DHX9: variants seen among roughly 807,000 people sequenced by gnomAD.
DHX9 encodes the protein ATP-dependent RNA helicase A.
In DHX9, 27 loss-of-function variants were observed where a neutral mutation model predicts 148.7. That is an observed-to-expected ratio of 0.18 (90% CI 0.13 to 0.25). The LOEUF (loss-of-function observed/expected upper bound fraction) is 0.25, where lower values mean the gene tolerates loss of function less well. Ranked by LOEUF, DHX9 falls within the 10% of genes least tolerant of loss-of-function variation. The probability of loss-of-function intolerance (pLI) is 1.00; values close to 1 mark genes in which losing one functional copy is unlikely to be tolerated. For synonymous variants in DHX9, 529 were observed against 516.6 expected, an observed-to-expected ratio of 1.02 and a Z score of -0.33; for missense variants, 796 against 1,559.6, an observed-to-expected ratio of 0.51 and a Z score of 8.25.
At chr1:182,848,497 G>A (rs922365064) in intron 3 of DHX9, among the ~76,000 whole-genome samples, 1 of 152,114 alleles carries the variant, frequency 6.6e-6, no homozygotes, top group Non-Finnish European at 1.5e-5. Flanking sequence ...GTGAGGGCAG[G>A]GATTTTTTTG....
chr1:182,878,840 G>A (rs1648945912), intron 20 of DHX9, among the ~76,000 whole-genome samples: 1 of 152,188 alleles, frequency 6.6e-6, no homozygotes, highest in Non-Finnish European at 1.5e-5. Context: ...CTTTCTAGTG[G>A]CACTAAAATT....
In DHX9 at chr1:182,839,389, C is replaced by T. The variant is rs1439858989; in HGVS notation, c.-90C>T. On this transcript the variant is annotated 5_prime_UTR_variant, in exon 1 of 28. Coordinates refer to ENST00000367549, the MANE Select transcript of DHX9 (RefSeq NM_001357.5). ...TCCATGCGAGTTGCTGTGCGTTTCT[C>T]TGTTGTCTCGGTAGAAGGCCAGAGT... 6.6e-6 allele frequency: 1 copy of T among 152,372 alleles called. No homozygotes were observed. The highest frequency in any genetic ancestry group is 1.5e-5 in the Non-Finnish European group (1 of 68,142). The allele number at this position is 152,372 out of a possible 1,614,324, so 9.4% of individuals were successfully genotyped here.
At chr1:182,868,375 A>G (rs537998138) in intron 14 of DHX9, among the ~76,000 whole-genome samples, 70 of 152,310 alleles carry the variant, frequency 4.6e-4, no homozygotes, top group African/African-American at 1.6e-3. Context: ...CCAAATTTCA[A>G]GCATAACAGT....
chr1:182,853,267 A>C (rs1668189556), intron 4 of DHX9, 39 bp from the exon 5 acceptor site: 1 of 1,392,874 alleles, frequency 7.2e-7, no homozygotes, highest in African/African-American at 1.4e-5. Context: ...ATTTTTCTAC[A>C]GTTATGACTC....
At position 182,883,914 on chromosome 1, in the gene DHX9, G is replaced by C. The variant is rs115966986; in HGVS notation, c.3260+279G>C. ...ATTCAAAACTAGTGGTAAGCACTGG[G>C]CAAAAATGGAATAGAGCTTAATGGA... is the stretch of plus-strand genomic sequence containing the variant. On this transcript the variant is annotated intron_variant, in intron 26 of 27. Coordinates refer to ENST00000367549, the MANE Select transcript of DHX9 (RefSeq NM_001357.5). 2.8e-3 allele frequency among the ~76,000 whole-genome samples: 420 copies of C among 152,180 alleles called. 2 individuals are homozygous for C. The highest frequency in any genetic ancestry group is 9.6e-3 in the African/African-American group (399 of 41,506).
Position 182,887,404 on chromosome 1 carries a change from T to C in DHX9, c.3783T>C (p.Phe1261=), listed in dbSNP as rs1649382464. 2.5e-6 allele frequency: 4 copies of C among 1,613,714 alleles called. No homozygotes were observed. The South Asian group carries it at 4.4e-5, about 18-fold the overall frequency. Residue 1261 remains phenylalanine (F), a synonymous_variant, in exon 28 of 28, where the codon TTT becomes TTC. Transcript: ENST00000367549. ...GGRGAYGTGY[F]GQGRGGGGY ...GGGGGGCCTATGGAACTGGCTACTT[T>C]GGACAGGGAAGAGGAGGTGGCGGCT...
chr1:182,845,006 A>G (rs1182272027), intron 3 of DHX9, among the ~76,000 whole-genome samples: 2 of 152,154 alleles, frequency 1.3e-5, no homozygotes, highest in African/African-American at 2.4e-5. Context: ...GAATTTTTGT[A>G]TTCTGCCTTG....
chr1:182,849,812 A>C (rs868435619), intron 3 of DHX9, among the ~76,000 whole-genome samples: 17 of 151,104 alleles, frequency 1.1e-4, no homozygotes, highest in Middle Eastern at 3.4e-3. Context: ...CTTTTTTTTT[A>C]ATTGGATTCT....
chr1:182,884,870 C>G lies in DHX9; in HGVS notation c.3461+57C>G, dbSNP rs532743976. 93 of 1,544,218 alleles carry G rather than the reference C, an allele frequency of 6.0e-5. No individual in the cohort carries two copies. In the Middle Eastern group the frequency reaches 2.0e-3, roughly 34 times the overall value. The stretch of plus-strand genomic sequence containing the variant: ...GTAGAGGGGAGAGATCTTATGTAGG[C>G]CTAGAATTCCTGAAGTTAGTGATAG... On this transcript the variant is annotated intron_variant, in intron 27 of 27. Coordinates refer to ENST00000367549, the MANE Select transcript of DHX9 (RefSeq NM_001357.5).
chr1:182,847,459 A>G lies in DHX9; in HGVS notation c.252+4025A>G, dbSNP rs114757087. Among the ~76,000 whole-genome samples, 1,120 of 152,292 alleles carry G rather than the reference A, an allele frequency of 7.4e-3. 16 individuals are homozygous for G. The highest frequency in any genetic ancestry group is 0.026 in the African/African-American group (1,068 of 41,554). On this transcript the variant is annotated intron_variant, in intron 3 of 27. Coordinates refer to ENST00000367549, the MANE Select transcript of DHX9 (RefSeq NM_001357.5). ...TCTTTTGGATGTTAACTCAGATCTCACCTCAGTTTTCTGATCATTTAGGAC... is the reference window on the plus strand; with the variant it reads ...TCTTTTGGATGTTAACTCAGATCTCGCCTCAGTTTTCTGATCATTTAGGAC...
At position 182,887,422 on chromosome 1, in the gene DHX9, T is replaced by C. The variant is rs1312811189; in HGVS notation, c.3801T>C (p.Gly1267=). The change falls in exon 28 of 28, where the codon GGT becomes GGC. Residue 1267 remains glycine, a synonymous_variant. Coordinates refer to ENST00000367549, the MANE Select transcript of DHX9 (RefSeq NM_001357.5). ...GCTACTTTGGACAGGGAAGAGGAGG[T>C]GGCGGCTATTAAAACTTGGTTATGT... is the stretch of plus-strand genomic sequence containing the variant. ...GTGYFGQGRG[G]GGY 1.2e-6 allele frequency: 2 copies of C among 1,612,522 alleles called. No individual in the cohort carries two copies. The highest frequency in any genetic ancestry group is 1.7e-5 in the Admixed American group (1 of 59,888).
At chr1:182,859,206 C>A in intron 11 of DHX9, 89 bp downstream of exon 11, 1 of 1,209,346 alleles carries the variant, frequency 8.3e-7, no homozygotes, top group Non-Finnish European at 1.2e-6. Context: ...ACATTTTGCC[C>A]TTTTAAGGAG....
At chr1:182,846,967 T>G (rs1237176552) in intron 3 of DHX9, among the ~76,000 whole-genome samples, 1 of 152,280 alleles carries the variant, frequency 6.6e-6, no homozygotes, top group East Asian at 1.9e-4. Flanking sequence ...TCAGATTCTT[T>G]GATAGTTTTT....
At chr1:182,849,201 A>G (rs61807500) in intron 3 of DHX9, among the ~76,000 whole-genome samples, 28 of 150,848 alleles carry the variant, frequency 1.9e-4, no homozygotes, top group South Asian at 6.2e-4. Flanking sequence ...CATGTAGAGG[A>G]TATTTTAAAA....
intron 21 of DHX9, among the ~76,000 whole-genome samples, chr1:182,880,292 TGTA>T (rs2102618901): frequency 1.3e-5 from 2 of 152,346 alleles, no homozygotes; most frequent in East Asian, 3.9e-4. Flanking sequence ...AGGATTTAGT[TGTA>T]GTACCTTTAT....
intron 4 of DHX9, among the ~76,000 whole-genome samples, chr1:182,852,758 A>G (rs1668177166): frequency 6.6e-6 from 1 of 152,156 alleles, no homozygotes; most frequent in South Asian, 2.1e-4. Context: ...TTATTATCTT[A>G]CAACATTGCT....
At chr1:182,846,894 C>CT (rs914500086) in intron 3 of DHX9, among the ~76,000 whole-genome samples, 57 of 148,356 alleles carry the variant, frequency 3.8e-4, no homozygotes, top group Middle Eastern at 7.1e-3. Flanking sequence ...CTGAGGCTCT[C>CT]TTTTTTTTTT....
chr1:182,853,275 C>G (rs778801889), intron 4 of DHX9, 31 bp from the exon 5 acceptor site: 1 of 1,476,150 alleles, frequency 6.8e-7, no homozygotes, highest in Non-Finnish European at 9.4e-7. Flanking sequence ...ACAGTTATGA[C>G]TCATTAAGAG....
intron 14 of DHX9, among the ~76,000 whole-genome samples, chr1:182,867,636 C>G (rs1323357517): frequency 1.3e-5 from 2 of 152,200 alleles, no homozygotes; most frequent in African/African-American, 4.8e-5. Flanking sequence ...CTCCTGACCT[C>G]AGGTGATCCA....
Sources: allele counts gnomAD v4.1 joint callset (sites outside exome capture counted in the v4.1 genomes callset), GRCh38; gene constraint gnomAD v4.1.1; transcripts MANE v1.5; gene names NCBI Gene and HGNC (gene_info 2026-07-23, HGNC 2026-07-21).